ADAM23: variants seen among roughly 807,000 people sequenced by gnomAD.
The protein encoded by ADAM23 is ADAM metallopeptidase domain 23, also known as disintegrin and metalloproteinase domain-containing protein 23.
A neutral mutation model predicts 120.1 loss-of-function variants in ADAM23; 33 were observed. That is an observed-to-expected ratio of 0.27 (90% CI 0.21 to 0.37). The LOEUF (loss-of-function observed/expected upper bound fraction) is 0.37. Among genes scored for constraint, ADAM23 ranks in the 10% least tolerant of loss-of-function variants. The pLI is 1.00. For missense variants in ADAM23, 862 were observed against 1,058.2 expected, an observed-to-expected ratio of 0.81 and a Z score of 2.57; for synonymous variants, 367 against 375.2, an observed-to-expected ratio of 0.98 and a Z score of 0.25.
At chr2:206,542,662 T>C (rs1168120573) in intron 5 of ADAM23, among the ~76,000 whole-genome samples, 1 of 152,162 alleles carries the variant, frequency 6.6e-6, no homozygotes, top group Non-Finnish European at 1.5e-5. Context: ...GTTTCGGCCA[T>C]GTGACGACAA....
At chr2:206,613,708 T>G (rs1225479666) in intron 25 of ADAM23, among the ~76,000 whole-genome samples, 1 of 152,162 alleles carries the variant, frequency 6.6e-6, no homozygotes, top group Non-Finnish European at 1.5e-5. Context: ...TACTGGACAT[T>G]AGAAAAAGCA....
rs6717531 is a variant in ADAM23, at chr2:206,571,242, G to A, written c.1566+431G>A. Among the ~76,000 whole-genome samples, 561 of 152,284 alleles carry A rather than the reference G, an allele frequency of 3.7e-3. 7 individuals carry two copies. The highest frequency in any genetic ancestry group is 0.013 in the African/African-American group (530 of 41,560). On this transcript the variant is annotated intron_variant, in intron 16 of 25. Transcript: ENST00000264377. Reference sequence around the variant, plus strand: ...TGTAATCCCAGCACTTTGGGAGGCCGAGGCGGGCAGATCACGAGGTCAGGA... The same window carrying A: ...TGTAATCCCAGCACTTTGGGAGGCCAAGGCGGGCAGATCACGAGGTCAGGA...
At chr2:206,555,724 A>G (rs1697629576) in intron 9 of ADAM23, among the ~76,000 whole-genome samples, 2 of 152,306 alleles carry the variant, frequency 1.3e-5, no homozygotes, top group South Asian at 4.1e-4. Context: ...TCTCAATAAA[A>G]TAACAAATTA....
At chr2:206,530,669 C>CTTTTTTTTTTTT (rs56206262) in intron 3 of ADAM23, among the ~76,000 whole-genome samples, 9 of 74,838 alleles carry the variant, frequency 1.2e-4, no homozygotes, top group East Asian at 4.4e-4. Flanking sequence ...TGTGTCTTGT[C>CTTTTTTTTTTTT]TTTTTTTTTT....
At chr2:206,456,918 A>T (rs1462757064) in intron 2 of ADAM23, among the ~76,000 whole-genome samples, 1 of 152,152 alleles carries the variant, frequency 6.6e-6, no homozygotes, top group Admixed American at 6.6e-5. Context: ...TTATTTAATA[A>T]TTTACTGCAT....
At chr2:206,500,013 C>T (rs542311415) in intron 3 of ADAM23, among the ~76,000 whole-genome samples, 3 of 152,204 alleles carry the variant, frequency 2.0e-5, no homozygotes, top group Admixed American at 2.0e-4. Context: ...GTTTATCTCT[C>T]CTGAAGATAT....
intron 3 of ADAM23, among the ~76,000 whole-genome samples, chr2:206,494,247 C>T (rs1374219457): frequency 1.3e-5 from 2 of 152,116 alleles, no homozygotes; most frequent in African/African-American, 4.8e-5. Flanking sequence ...AAACTGAAAC[C>T]CTTTGACCAA....
chr2:206,461,198 A>G lies in ADAM23; in HGVS notation c.432+15674A>G, dbSNP rs552045776. Among the ~76,000 whole-genome samples, 9 of 150,558 alleles carry G rather than the reference A, an allele frequency of 6.0e-5. No individual in the cohort carries two copies. In the East Asian group the frequency reaches 1.8e-3, roughly 30 times the overall value. On this transcript the variant is annotated intron_variant, in intron 2 of 25. Transcript: ENST00000264377. ...TGCCTCAACCTCCTGAGTAGCTGGG[A>G]TGACAGGCCCCCACCACCACACCTG...
At chr2:206,483,382 C>T (rs1043982701) in intron 3 of ADAM23, among the ~76,000 whole-genome samples, 1 of 152,006 alleles carries the variant, frequency 6.6e-6, no homozygotes, top group African/African-American at 2.4e-5. Flanking sequence ...TACATGTGGC[C>T]ATGTCTAGGA....
intron 15 of ADAM23, among the ~76,000 whole-genome samples, 160 bp downstream of exon 15, chr2:206,567,482 C>T (rs1411197860): frequency 1.3e-5 from 2 of 152,078 alleles, no homozygotes; most frequent in African/African-American, 4.8e-5. Flanking sequence ...AGATTGAGTC[C>T]TGTTTAAATG....
At chr2:206,504,495 C>T (rs576393860) in intron 3 of ADAM23, among the ~76,000 whole-genome samples, 20 of 152,210 alleles carry the variant, frequency 1.3e-4, no homozygotes, top group African/African-American at 3.1e-4. Flanking sequence ...GTGTAAGAGA[C>T]GCCCTGCCTT....
At chr2:206,531,611 G>GT (rs1697064217) in intron 4 of ADAM23, among the ~76,000 whole-genome samples, 1 of 152,166 alleles carries the variant, frequency 6.6e-6, no homozygotes, top group South Asian at 2.1e-4. Flanking sequence ...TGATTTGTAT[G>GT]TAAGAAACAG....
chr2:206,609,701 A>C, intron 24 of ADAM23: 1 of 502,808 alleles, frequency 2.0e-6, no homozygotes, highest in Non-Finnish European at 3.4e-6. Flanking sequence ...TCAATGGTGC[A>C]GAAACTTTAG....
chr2:206,456,029 A>C (rs1695291904), intron 2 of ADAM23, among the ~76,000 whole-genome samples: 1 of 152,194 alleles, frequency 6.6e-6, no homozygotes, highest in Admixed American at 6.5e-5. Flanking sequence ...TCTTTATAAC[A>C]ATGTTCCACT....
intron 13 of ADAM23, among the ~76,000 whole-genome samples, chr2:206,562,981 G>A (rs1697799924): frequency 6.6e-6 from 1 of 152,190 alleles, no homozygotes; most frequent in Admixed American, 6.5e-5. Flanking sequence ...TGGGCAAAGG[G>A]TCTAGGGCTC....
chr2:206,475,166 T>C (rs1695751288), intron 2 of ADAM23, among the ~76,000 whole-genome samples: 2 of 152,222 alleles, frequency 1.3e-5, no homozygotes, highest in Admixed American at 6.5e-5. Flanking sequence ...TGCTGTGTTC[T>C]AGATAGACAT....
Position 206,544,737 on chromosome 2 carries a change from C to A in ADAM23, c.720+1421C>A, listed in dbSNP as rs577646431. Among the ~76,000 whole-genome samples the A allele has an allele frequency of 6.6e-5, 10 of 151,912 alleles. No homozygotes were observed. In the East Asian group the frequency reaches 1.9e-3, roughly 30 times the overall value. ...ACGCCATTCTCCTGCCTCAGCCTCC[C>A]AAGTAGCTGGGACTACAGGTGCCCG... On this transcript the variant is annotated intron_variant, in intron 6 of 25. Transcript: ENST00000264377.
intron 9 of ADAM23, among the ~76,000 whole-genome samples, chr2:206,553,234 T>TAC (rs1442219947): frequency 5.9e-5 from 9 of 151,696 alleles, no homozygotes; most frequent in Admixed American, 1.3e-4. Context: ...AATATATATA[T>TAC]ACACACACAC....
intron 9 of ADAM23, among the ~76,000 whole-genome samples, chr2:206,555,945 C>T (rs1172977933): frequency 6.6e-6 from 1 of 152,128 alleles, no homozygotes; most frequent in Non-Finnish European, 1.5e-5. Flanking sequence ...TGCTAGGCAA[C>T]TTAAAATGCT....
Sources: allele counts gnomAD v4.1 joint callset (sites outside exome capture counted in the v4.1 genomes callset), GRCh38; gene constraint gnomAD v4.1.1; transcripts MANE v1.5; gene names NCBI Gene and HGNC (gene_info 2026-07-23, HGNC 2026-07-21).